The following ZMPSTE24 variants were observed in gnomAD, a reference collection of about 807,000 sequenced individuals.
ZMPSTE24 encodes the protein zinc metallopeptidase STE24, also known as CAAX prenyl protease 1 homolog.
In ZMPSTE24, 48 loss-of-function variants were observed where a neutral mutation model predicts 56.7. That is an observed-to-expected ratio of 0.85 (90% confidence interval 0.67 to 1.08). The LOEUF is 1.08. Ranked by LOEUF, ZMPSTE24 falls within the 50% of genes least tolerant of loss-of-function variation. The pLI is 0.00. For synonymous variants in ZMPSTE24, 172 were observed against 195.2 expected, an observed-to-expected ratio of 0.88 and a Z score of 0.99; for missense variants, 503 against 548.7, an observed-to-expected ratio of 0.92 and a Z score of 0.83.
At chr1:40,290,780 C>G (rs1250717952) in intron 8 of ZMPSTE24, 74 bp from the exon 9 acceptor site, 1 of 1,576,032 alleles carries the variant, frequency 6.3e-7, no homozygotes, top group Non-Finnish European at 8.7e-7. Context: ...ATTTCTTATA[C>G]TTTATGGATG....
At chr1:40,276,472 G>A (rs1643672506) in intron 6 of ZMPSTE24, among the ~76,000 whole-genome samples, 1 of 152,180 alleles carries the variant, frequency 6.6e-6, no homozygotes, top group Non-Finnish European at 1.5e-5. Context: ...GTGTTTTAAG[G>A]AGAAAGTGGT....
chr1:40,266,063 A>T (rs1472435844), intron 2 of ZMPSTE24, among the ~76,000 whole-genome samples: 3 of 152,246 alleles, frequency 2.0e-5, no homozygotes, highest in Admixed American at 6.5e-5. Context: ...CCATGGATGG[A>T]TCTAAGAAAA....
In ZMPSTE24 at chr1:40,281,519, A is replaced by G. The variant is rs1643729805; in HGVS notation, c.946A>G (p.Lys316Glu). The change falls in exon 7 of 10, where the codon AAA becomes GAA. Residue 316 changes from lysine (K) to glutamate (E), a missense_variant. Physicochemically the swap from Lys to Glu is moderately conservative, Grantham distance 56. Coordinates refer to ENST00000372759, the MANE Select transcript of ZMPSTE24 (RefSeq NM_005857.5). The part of the protein sequence containing the change: ...EEGNSEEIKA[K>E]VKNKKQGCKN... The stretch of plus-strand genomic sequence containing the variant: ...AGGGAACAGTGAAGAAATAAAAGCT[A>G]AAGTTAAAGTGAGTTATTTTTTCCT... 1.2e-6 allele frequency: 2 copies of G among 1,613,762 alleles called. No homozygotes were observed. Among genetic ancestry groups the G allele is most frequent in the African/African-American group, 1.3e-5 (1 of 74,900 alleles).
Position 40,287,623 on chromosome 1 carries a change from T to G in ZMPSTE24, c.1059+1594T>G, listed in dbSNP as rs796452739. Among the ~76,000 whole-genome samples, 512 of 149,332 alleles carry G rather than the reference T, an allele frequency of 3.4e-3. 5 individuals are homozygous for G. The highest frequency in any genetic ancestry group is 0.02 in the South Asian group (92 of 4,710). On this transcript the variant is annotated intron_variant, in intron 8 of 9. Coordinates refer to ENST00000372759, the MANE Select transcript of ZMPSTE24 (RefSeq NM_005857.5). ...CCAGGAGGCAGAGGTTGCAGTGAGCTGAGATCGCCCCAGTGCACTCCAGCC... is the reference window on the plus strand; with the variant it reads ...CCAGGAGGCAGAGGTTGCAGTGAGCGGAGATCGCCCCAGTGCACTCCAGCC...
chr1:40,263,602 A>G (rs1360859612), intron 2 of ZMPSTE24, among the ~76,000 whole-genome samples: 1 of 152,204 alleles, frequency 6.6e-6, no homozygotes, highest in Non-Finnish European at 1.5e-5. Context: ...GGCAGGAAGA[A>G]TATTTTGGGT....
chr1:40,263,289 C>T (rs1404748316), intron 2 of ZMPSTE24, among the ~76,000 whole-genome samples: 4 of 152,088 alleles, frequency 2.6e-5, no homozygotes, highest in Non-Finnish European at 4.4e-5. Context: ...AGTTAATAGT[C>T]GTCATGATTT....
chr1:40,283,259 T>TGTGGCCCATACCTGTC (rs1643748195), intron 7 of ZMPSTE24, among the ~76,000 whole-genome samples: 1 of 152,192 alleles, frequency 6.6e-6, no homozygotes, highest in Admixed American at 6.5e-5. Context: ...ATCCCAGCAC[T>TGTGGCCCATACCTGTC]TTGGAAGGCC....
intron 1 of ZMPSTE24, among the ~76,000 whole-genome samples, chr1:40,260,036 G>A (rs1250728342): frequency 6.9e-6 from 1 of 144,074 alleles, no homozygotes; most frequent in Non-Finnish European, 1.5e-5. Context: ...TTAGTATAAT[G>A]AGATAGTTGA....
intron 2 of ZMPSTE24, among the ~76,000 whole-genome samples, chr1:40,261,798 C>T (rs1022282337): frequency 6.6e-6 from 1 of 152,198 alleles, no homozygotes; most frequent in Non-Finnish European, 1.5e-5. Context: ...CAATCTCCAC[C>T]TCCCGGGTTC....
intron 8 of ZMPSTE24, among the ~76,000 whole-genome samples, chr1:40,289,689 G>T (rs551945722): frequency 6.6e-6 from 1 of 152,268 alleles, no homozygotes; most frequent in South Asian, 2.1e-4. Flanking sequence ...AAAGAATGTT[G>T]TGTGTTCTCC....
chr1:40,274,540 A>G (rs1479524377), intron 6 of ZMPSTE24, among the ~76,000 whole-genome samples: 1 of 152,216 alleles, frequency 6.6e-6, no homozygotes, highest in Non-Finnish European at 1.5e-5. Flanking sequence ...TTCAAGGACC[A>G]TGAAGAAGTC....
chr1:40,261,752 C>G (rs1485009898), intron 2 of ZMPSTE24, among the ~76,000 whole-genome samples: 1 of 152,102 alleles, frequency 6.6e-6, no homozygotes, highest in Non-Finnish European at 1.5e-5. Flanking sequence ...CTCTGTCGCC[C>G]AGGCTGGAGT....
intron 6 of ZMPSTE24, among the ~76,000 whole-genome samples, chr1:40,274,935 C>A (rs1643653259): frequency 3.3e-5 from 5 of 151,642 alleles, no homozygotes; most frequent in Admixed American, 3.3e-4. Flanking sequence ...ATGGCCTAGA[C>A]TTTTGACCTG....
intron 7 of ZMPSTE24, among the ~76,000 whole-genome samples, chr1:40,283,930 ACTTT>A (rs946018627): frequency 6.9e-6 from 1 of 145,604 alleles, no homozygotes; most frequent in East Asian, 2.0e-4. Context: ...ATTGTATTGA[ACTTT>A]CTTTCTTTTT....
chr1:40,272,558 G>T (rs1013720927), intron 6 of ZMPSTE24, among the ~76,000 whole-genome samples: 2 of 152,154 alleles, frequency 1.3e-5, no homozygotes, highest in Admixed American at 6.6e-5. Flanking sequence ...GAGTACTGCA[G>T]ATTTGTTATA....
chr1:40,290,257 C>T (rs1179164752), intron 8 of ZMPSTE24, among the ~76,000 whole-genome samples: 1 of 150,432 alleles, frequency 6.6e-6, no homozygotes, highest in East Asian at 2.0e-4. Context: ...TGGTGGGGGG[C>T]GCCTGTAGTC....
Position 40,293,986 on chromosome 1 carries a change from AT to A in ZMPSTE24, c.*1318del, listed in dbSNP as rs1171511849. 6.6e-6 allele frequency: 1 copy of A among 152,658 alleles called. No individual in the cohort carries two copies. Among genetic ancestry groups the A allele is most frequent in the African/African-American group, 2.4e-5 (1 of 41,452 alleles). The allele number at this position is 152,658 out of a possible 1,614,324, so 9.5% of individuals were successfully genotyped here. On this transcript the variant is annotated 3_prime_UTR_variant, in exon 10 of 10. Transcript: ENST00000372759. ...GGTGATGTCTTCACATGGAAATATAATAAAAATAAAAATCTAGTTTAATACT... is the reference window on the plus strand; with the variant it reads ...GGTGATGTCTTCACATGGAAATATAAAAAAATAAAAATCTAGTTTAATACT...
intron 5 of ZMPSTE24, among the ~76,000 whole-genome samples, chr1:40,270,413 C>T (rs1643602757): frequency 1.3e-5 from 2 of 152,122 alleles, no homozygotes; most frequent in African/African-American, 4.8e-5. Flanking sequence ...CGAGTTGCCA[C>T]CAGAATGACT....
chr1:40,268,342 A>G (rs1489377689), intron 3 of ZMPSTE24, 77 bp from the exon 4 acceptor site: 17 of 934,304 alleles, frequency 1.8e-5, no homozygotes, highest in Non-Finnish European at 2.5e-5. Context: ...TGTAGTAAGT[A>G]AGTGCTCAGC....
Sources: gnomAD v4.1 joint callset for allele counts (sites outside exome capture counted in the v4.1 genomes callset) on GRCh38, gnomAD v4.1.1 for gene constraint, MANE v1.5 for transcripts, NCBI Gene and HGNC (gene_info 2026-07-23, HGNC 2026-07-21) for gene names.